Variants in CSMD1 observed in about 807,000 individuals in gnomAD.
CSMD1 encodes CUB and Sushi multiple domains 1.
A neutral mutation model predicts 417.5 loss-of-function variants in CSMD1; 213 were observed. The ratio of observed to expected loss-of-function variants is 0.51; its 90% CI spans 0.46 to 0.57. CSMD1 has a LOEUF of 0.57. CSMD1 is among the 20% of genes least tolerant of loss of function. CSMD1 has a pLI of 0.00. For missense variants in CSMD1, 6,923 were observed against 4,529.7 expected (o/e 1.53, Z -15.17); for synonymous variants, 2,862 against 1,736.8 (o/e 1.65, Z -16.11).
chr8:3,199,874 G>C, intron 32 of CSMD1, 65 bp from the exon 33 acceptor site: 1 of 911,056 alleles, frequency 1.1e-6, no homozygotes, highest in Non-Finnish European at 1.7e-6. Context: ...TAGTATTTTG[G>C]AAAATGGTGA....
chr8:3,066,657 C>T (rs1427491756), intron 49 of CSMD1, among the ~76,000 whole-genome samples: 1 of 152,118 alleles, frequency 6.6e-6, no homozygotes, highest in Non-Finnish European at 1.5e-5. Flanking sequence ...AAACACAGGA[C>T]ACAATCGTAT....
At chr8:3,277,892 C>G (rs1172826225) in intron 26 of CSMD1, among the ~76,000 whole-genome samples, 1 of 152,152 alleles carries the variant, frequency 6.6e-6, no homozygotes, top group Non-Finnish European at 1.5e-5. Context: ...TTCTTCCCTA[C>G]AAAAGTGACA....
intron 5 of CSMD1, among the ~76,000 whole-genome samples, chr8:3,848,016 T>C (rs925568251): frequency 6.6e-6 from 1 of 151,980 alleles, no homozygotes; most frequent in Admixed American, 6.6e-5. Flanking sequence ...GGGGCACTTC[T>C]TTCCTGACAC....
At chr8:3,178,206 A>G (rs923450851) in intron 37 of CSMD1, among the ~76,000 whole-genome samples, 12 of 152,126 alleles carry the variant, frequency 7.9e-5, no homozygotes, top group African/African-American at 1.9e-4. Context: ...TCTTTCAAAT[A>G]TAAGTGTTTG....
intron 5 of CSMD1, among the ~76,000 whole-genome samples, chr8:3,966,808 T>G (rs1812708774): frequency 6.6e-6 from 1 of 151,934 alleles, no homozygotes; most frequent in Non-Finnish European, 1.5e-5. Context: ...TCCCAAGAAA[T>G]AATGTATTTT....
chr8:4,792,435 A>G (rs574817511), intron 1 of CSMD1, among the ~76,000 whole-genome samples: 3 of 151,804 alleles, frequency 2.0e-5, no homozygotes, highest in Middle Eastern at 3.4e-3. Flanking sequence ...GGTACAGCCA[A>G]TCAGTCTATC....
chr8:3,988,091 G>A (rs1016834668), intron 5 of CSMD1, among the ~76,000 whole-genome samples: 1 of 152,182 alleles, frequency 6.6e-6, no homozygotes, highest in Admixed American at 6.5e-5. Flanking sequence ...TTGAAATATT[G>A]TGATTTTTTT....
In CSMD1 at chr8:3,477,142, A is replaced by G. The variant is rs187435632; in HGVS notation, c.1449-8318T>C. 2.6e-4 allele frequency among the ~76,000 whole-genome samples: 39 copies of G among 152,342 alleles called. No homozygotes were observed. In the East Asian group the frequency reaches 6.6e-3, roughly 26 times the overall value. The stretch of plus-strand genomic sequence containing the variant: ...TTAAAAATAATTTGTTCAGACCTGA[A>G]GAAAAATTCTGCATGTGTCACGAAG... On this transcript the variant is annotated intron_variant, in intron 11 of 69. Coordinates refer to ENST00000635120, the MANE Select transcript of CSMD1 (RefSeq NM_033225.6).
chr8:4,076,949 G>C (rs752434997), intron 3 of CSMD1, among the ~76,000 whole-genome samples: 2 of 152,046 alleles, frequency 1.3e-5, no homozygotes, highest in Non-Finnish European at 2.9e-5. Context: ...CTTACACAAG[G>C]ATAACACTTT....
chr8:3,138,149 C>T (rs1300088532), intron 41 of CSMD1, among the ~76,000 whole-genome samples: 1 of 152,182 alleles, frequency 6.6e-6, no homozygotes, highest in Non-Finnish European at 1.5e-5. Context: ...TTGCTTGAAC[C>T]TGGGAGGCAG....
intron 3 of CSMD1, among the ~76,000 whole-genome samples, chr8:4,389,761 CTTCT>C (rs985532284): frequency 1.3e-5 from 2 of 152,040 alleles, no homozygotes; most frequent in Admixed American, 6.6e-5. Flanking sequence ...ATATTGTTTG[CTTCT>C]TTATTTTTGA....
chr8:4,203,290 A>G (rs948526588), intron 3 of CSMD1, among the ~76,000 whole-genome samples: 6 of 152,154 alleles, frequency 3.9e-5, no homozygotes, highest in African/African-American at 1.4e-4. Flanking sequence ...AGAAAAGAAC[A>G]CAGGCCCCTC....
intron 3 of CSMD1, among the ~76,000 whole-genome samples, chr8:4,064,178 T>G (rs1799124079): frequency 6.6e-6 from 1 of 152,214 alleles, no homozygotes; most frequent in Non-Finnish European, 1.5e-5. Context: ...AAGTGCAAAC[T>G]AAAGACATTA....
chr8:3,851,871 G>C lies in CSMD1; in HGVS notation c.819-97829C>G, dbSNP rs1803932498. On this transcript the variant is annotated intron_variant, in intron 5 of 69. Transcript: ENST00000635120. Reference sequence around the variant, plus strand: ...GTGGGAGCAGACATGGCCATGCAAAGCCAGTGGGCTCCATGGATCAGAGAT... The same window carrying C: ...GTGGGAGCAGACATGGCCATGCAAACCCAGTGGGCTCCATGGATCAGAGAT... Among the ~76,000 whole-genome samples the C allele has an allele frequency of 1.3e-5, 2 of 152,132 alleles. 1 individual carries two copies. The highest frequency in any genetic ancestry group is 2.9e-5 in the Non-Finnish European group (2 of 68,022).
chr8:3,583,241 T>G lies in CSMD1; in HGVS notation c.1222+2895A>C, dbSNP rs567507519. ...ATCCTAGTGGATTTGCTTCTCTGCT[T>G]GAATTTTTACTCACAGAGTCAACTG... On this transcript the variant is annotated intron_variant, in intron 9 of 69. Transcript: ENST00000635120. Among the ~76,000 whole-genome samples, 10 of 152,086 alleles carry G rather than the reference T, an allele frequency of 6.6e-5. No individual in the cohort carries two copies. In the South Asian group the frequency reaches 1.5e-3, roughly 22 times the overall value.
At chr8:3,696,612 T>C (rs1438274863) in intron 7 of CSMD1, among the ~76,000 whole-genome samples, 1 of 152,208 alleles carries the variant, frequency 6.6e-6, no homozygotes, top group Non-Finnish European at 1.5e-5. Context: ...ATGAGCGCTT[T>C]GGAAGATTGA....
chr8:4,203,346 C>G (rs1201178147), intron 3 of CSMD1, among the ~76,000 whole-genome samples: 1 of 152,118 alleles, frequency 6.6e-6, no homozygotes, highest in African/African-American at 2.4e-5. Flanking sequence ...AGGTTAGAAG[C>G]CAACATCAGC....
At chr8:2,945,769 G>A (rs1225838048) in intron 68 of CSMD1, among the ~76,000 whole-genome samples, 2 of 151,936 alleles carry the variant, frequency 1.3e-5, no homozygotes, top group Non-Finnish European at 2.9e-5. Flanking sequence ...CGTTATTATT[G>A]GTTCCTTGGC....
chr8:3,836,372 C>A (rs560258333), intron 5 of CSMD1, among the ~76,000 whole-genome samples: 11 of 152,066 alleles, frequency 7.2e-5, no homozygotes, highest in African/African-American at 2.7e-4. Context: ...TTGTGGGAAT[C>A]CCAAGGGTCT....
Sources: gnomAD v4.1 joint callset for allele counts (sites outside exome capture counted in the v4.1 genomes callset) on GRCh38, gnomAD v4.1.1 for gene constraint, MANE v1.5 for transcripts, NCBI Gene and HGNC (gene_info 2026-07-23, HGNC 2026-07-21) for gene names.